DGCR2: variants seen among roughly 807,000 people sequenced by gnomAD.
DGCR2 encodes the protein integral membrane protein DGCR2/IDD.
Under a neutral mutation model 51.6 loss-of-function variants are expected in DGCR2, and 24 were observed. The ratio of observed to expected loss-of-function variants is 0.47; its 90% CI spans 0.34 to 0.65. DGCR2 has a LOEUF of 0.65. DGCR2 is among the 30% of genes least tolerant of loss of function. DGCR2 has a pLI of 0.01. For missense variants in DGCR2, 765 were observed against 772.1 expected, an observed-to-expected ratio of 0.99 and a Z score of 0.11; for synonymous variants, 340 against 315.4, an observed-to-expected ratio of 1.08 and a Z score of -0.82.
In DGCR2 at chr22:19,106,626, T is replaced by C. The variant is rs529228178; in HGVS notation, c.79+15502A>G. Among the ~76,000 whole-genome samples, 6 of 152,262 alleles carry C rather than the reference T, an allele frequency of 3.9e-5. No homozygotes were observed. The South Asian group carries it at 1.2e-3, about 32-fold the overall frequency. On this transcript the variant is annotated intron_variant, in intron 1 of 9. Transcript: ENST00000263196. Reference sequence around the variant, plus strand: ...ATGGAAAATGATGAGATTGGAAGTTTCATTAGCAAAATGTGAAGGAAGGCC... The same window carrying C: ...ATGGAAAATGATGAGATTGGAAGTTCCATTAGCAAAATGTGAAGGAAGGCC...
At chr22:19,088,852 G>T in intron 2 of DGCR2, among the ~76,000 whole-genome samples, 1 of 152,174 alleles carries the variant, frequency 6.6e-6, no homozygotes, top group African/African-American at 2.4e-5. Flanking sequence ...CTGGTTCTCC[G>T]ATTTAGCCTT....
chr22:19,099,554 A>G (rs2793063), intron 1 of DGCR2, among the ~76,000 whole-genome samples: 62,544 of 151,908 alleles, frequency 0.41, 13,336 homozygotes, highest in African/African-American at 0.53. Context: ...CTGTACTCCA[A>G]CCTGTCTCAA....
intron 1 of DGCR2, among the ~76,000 whole-genome samples, chr22:19,120,853 T>C (rs1601324890): frequency 1.3e-5 from 2 of 152,306 alleles, no homozygotes; most frequent in East Asian, 3.9e-4. Flanking sequence ...TTTTCCTGGC[T>C]TCTGTTCTTA....
intron 2 of DGCR2, among the ~76,000 whole-genome samples, chr22:19,082,823 A>C (rs546334005): frequency 1.3e-5 from 2 of 152,230 alleles, no homozygotes; most frequent in Middle Eastern, 3.4e-3. Flanking sequence ...GCAGTGGCTC[A>C]TGCCCCCGTA....
chr22:19,119,110 G>C (rs1688583329), intron 1 of DGCR2, among the ~76,000 whole-genome samples: 1 of 152,130 alleles, frequency 6.6e-6, no homozygotes, highest in African/African-American at 2.4e-5. Context: ...AGGACCCTGG[G>C]ACCTAACAGG....
intron 2 of DGCR2, among the ~76,000 whole-genome samples, chr22:19,078,041 C>A (rs192204689): frequency 1.2e-4 from 19 of 152,284 alleles, no homozygotes; most frequent in Admixed American, 7.8e-4. Flanking sequence ...GTTGGCCAGG[C>A]TGGTCCTGAA....
At position 19,048,428 on chromosome 22, in the gene DGCR2, C is replaced by A; in HGVS notation, c.1006+12G>T. The A allele has an allele frequency of 6.2e-7, 1 of 1,614,034 alleles. No individual in the cohort carries two copies. The highest frequency in any genetic ancestry group is 8.5e-7 in the Non-Finnish European group (1 of 1,179,986). On this transcript the variant is annotated intron_variant, in intron 7 of 9. Transcript: ENST00000263196. ...GGGAGGCTGACTTGGGACGTCCTAT[C>A]AAGAGTCTCACCTGGGTCCAGACAC... is the stretch of plus-strand genomic sequence containing the variant.
chr22:19,095,660 CAA>C (rs560020507), intron 1 of DGCR2, among the ~76,000 whole-genome samples: 9 of 65,224 alleles, frequency 1.4e-4, no homozygotes, highest in Admixed American at 1.6e-4. Context: ...GACTCCGTCT[CAA>C]AAAAAAAAAA....
intron 1 of DGCR2, among the ~76,000 whole-genome samples, chr22:19,093,799 C>T (rs1398983867): frequency 6.6e-6 from 1 of 152,088 alleles, no homozygotes; most frequent in African/African-American, 2.4e-5. Flanking sequence ...GAGTTCAAAA[C>T]CAGCCTGTGC....
At chr22:19,067,921 C>T (rs2082767724) in intron 3 of DGCR2, among the ~76,000 whole-genome samples, 179 bp downstream of exon 3, 1 of 152,186 alleles carries the variant, frequency 6.6e-6, no homozygotes. Flanking sequence ...AGTCACATAC[C>T]ACCACTCCAG....
Position 19,057,119 on chromosome 22 carries a change from C to A in DGCR2, c.669G>T (p.Ser223=), listed in dbSNP as rs199948293. 4 of 1,608,592 alleles carry A rather than the reference C, an allele frequency of 2.5e-6. No individual in the cohort carries two copies. Among genetic ancestry groups the A allele is most frequent in the Non-Finnish European group, 3.4e-6 (4 of 1,177,658 alleles). The part of the protein sequence containing the change: ...VFLPPDPIFA[S]AMSENDNVFC... Reference sequence around the variant, plus strand: ...ACACGTTGTCGTTCTCAGACATGGCCGAGGCAAAGATGGGGTCTGGGGGCA... The same window carrying A: ...ACACGTTGTCGTTCTCAGACATGGCAGAGGCAAAGATGGGGTCTGGGGGCA... The change falls in exon 6 of 10, where the codon TCG becomes TCT. Residue 223 remains serine, a synonymous_variant. Transcript: ENST00000263196. The surrounding 1 kb of genome is among the most constrained non-coding windows in gnomAD (Gnocchi z 5.1).
Position 19,068,066 on chromosome 22 carries a change from C to T in DGCR2, c.328+34G>A, listed in dbSNP as rs1226037634. The T allele has an allele frequency of 2.0e-6, 3 of 1,528,878 alleles. No homozygotes were observed. The South Asian group carries it at 3.8e-5, about 19-fold the overall frequency. 94.7% of individuals were successfully genotyped at this position (1,528,878 alleles called of 1,614,324 possible). A position where few individuals can be genotyped will look rare whatever the true frequency, so the allele number is the denominator to read the frequency against. On this transcript the variant is annotated intron_variant, in intron 3 of 9. Transcript: ENST00000263196. ...AGGGGTCATGTCAGGCTTGCACTCC[C>T]CAGTGTCCCAGTCAGGGCAGGTCTG...
In DGCR2 at chr22:19,088,924, G is replaced by A. The variant is rs114466998; in HGVS notation, c.202+444C>T. Among the ~76,000 whole-genome samples, 850 of 152,288 alleles carry A rather than the reference G, an allele frequency of 5.6e-3. 6 individuals are homozygous for A. Among genetic ancestry groups the A allele is most frequent in the African/African-American group, 0.019 (809 of 41,556 alleles). On this transcript the variant is annotated intron_variant, in intron 2 of 9. Coordinates refer to ENST00000263196, the MANE Select transcript of DGCR2 (RefSeq NM_005137.3). The stretch of plus-strand genomic sequence containing the variant: ...AATGGCCAGGAGAGAACCTGTGAGT[G>A]CAAAGTTCCAGGTGAATGAGTGAGC...
At chr22:19,063,557 G>A (rs1165530795) in intron 4 of DGCR2, among the ~76,000 whole-genome samples, 5 of 150,374 alleles carry the variant, frequency 3.3e-5, no homozygotes, top group South Asian at 2.1e-4. Context: ...CACCATATTG[G>A]CCAGGATGGT....
intron 1 of DGCR2, 160 bp downstream of exon 1, chr22:19,121,968 C>A (rs1217224246): frequency 6.0e-6 from 2 of 333,886 alleles, no homozygotes; most frequent in Admixed American, 1.0e-4. Flanking sequence ...CTCCAGCAGG[C>A]GTCCGCAGAG....
intron 3 of DGCR2, 27 bp downstream of exon 3, chr22:19,068,073 C>T (rs752895977): frequency 5.2e-6 from 8 of 1,538,390 alleles, no homozygotes; most frequent in Non-Finnish European, 5.2e-6. Context: ...TCCCCAGTGT[C>T]CCAGTCAGGG....
chr22:19,048,730 C>A, intron 6 of DGCR2, 87 bp from the exon 7 acceptor site: 1 of 1,393,242 alleles, frequency 7.2e-7, no homozygotes, highest in South Asian at 1.2e-5. Flanking sequence ...AAAAAGGTAG[C>A]CTCCCCGTGT....
At chr22:19,045,787 C>T (rs937744416) in intron 7 of DGCR2, among the ~76,000 whole-genome samples, 1 of 152,250 alleles carries the variant, frequency 6.6e-6, no homozygotes, top group South Asian at 2.1e-4. Context: ...AGTACAGTGG[C>T]GTGATCTCAG....
At chr22:19,117,919 C>G (rs1249746481) in intron 1 of DGCR2, among the ~76,000 whole-genome samples, 1 of 152,210 alleles carries the variant, frequency 6.6e-6, no homozygotes, top group African/African-American at 2.4e-5. Flanking sequence ...GTACTGGCTA[C>G]AGAGGAAAGC....
Sources: gnomAD v4.1 joint callset for allele counts (sites outside exome capture counted in the v4.1 genomes callset) on GRCh38, gnomAD v4.1.1 for gene constraint, Gnocchi (gnomAD v3.1) non-coding constraint, MANE v1.5 for transcripts, NCBI Gene and HGNC (gene_info 2026-07-23, HGNC 2026-07-21) for gene names.